The following PAX5 variants were observed in gnomAD, a reference collection of about 807,000 sequenced individuals.
PAX5 encodes the protein paired box protein Pax-5.
In PAX5, 9 loss-of-function variants were observed where a neutral mutation model predicts 43.7. The observed-to-expected ratio is 0.21, with a 90% CI of 0.12 to 0.36. PAX5 has a LOEUF of 0.36. Ranked by LOEUF, PAX5 falls within the 10% of genes least tolerant of loss-of-function variation. The pLI, the probability that PAX5 is intolerant of heterozygous loss-of-function variation, is 1.00. For synonymous variants in PAX5, 228 were observed against 214.3 expected (o/e 1.06, Z -0.56); for missense variants, 383 against 532.7 (o/e 0.72, Z 2.77).
chr9:37,033,233 G>T (rs189734144), intron 1 of PAX5, among the ~76,000 whole-genome samples: 6 of 152,282 alleles, frequency 3.9e-5, no homozygotes, highest in Middle Eastern at 3.4e-3. Flanking sequence ...TTCATTCCTG[G>T]TCCTATCTCC....
At chr9:36,929,573 T>C (rs1158935937) in intron 6 of PAX5, among the ~76,000 whole-genome samples, 3 of 152,208 alleles carry the variant, frequency 2.0e-5, no homozygotes, top group Admixed American at 6.5e-5. Context: ...GGTTCTTTCT[T>C]AGGATGTCAT....
chr9:37,027,134 C>A (rs2132542113), intron 1 of PAX5, among the ~76,000 whole-genome samples: 1 of 152,320 alleles, frequency 6.6e-6, no homozygotes, highest in South Asian at 2.1e-4. Context: ...TCGGACTTGC[C>A]CCCTCCGCCT....
intron 6 of PAX5, among the ~76,000 whole-genome samples, chr9:36,959,343 T>C (rs772208727): frequency 3.0e-4 from 45 of 152,210 alleles, no homozygotes; most frequent in Admixed American, 2.0e-3. Context: ...AGCTCACTAC[T>C]TAACAAGGAG....
chr9:37,027,400 T>A (rs1217223582), intron 1 of PAX5, among the ~76,000 whole-genome samples: 1 of 152,208 alleles, frequency 6.6e-6, no homozygotes, highest in East Asian at 1.9e-4. Context: ...GGTGTCTACC[T>A]CGTGCCAACC....
At chr9:36,869,873 T>TGGATGGATGGATGG (rs35083198) in intron 8 of PAX5, among the ~76,000 whole-genome samples, 1 of 103,076 alleles carries the variant, frequency 9.7e-6, no homozygotes, top group African/African-American at 3.9e-5. Flanking sequence ...GATGGATGGA[T>TGGATGGATGGATGG]AAATGGATGG....
chr9:36,932,628 C>T (rs990200075), intron 6 of PAX5, among the ~76,000 whole-genome samples: 3 of 152,120 alleles, frequency 2.0e-5, no homozygotes, highest in African/African-American at 7.2e-5. Context: ...TGAAACGAGT[C>T]CAAAACCAAA....
intron 8 of PAX5, among the ~76,000 whole-genome samples, chr9:36,876,362 G>A (rs1245454785): frequency 6.6e-6 from 1 of 152,242 alleles, no homozygotes; most frequent in Non-Finnish European, 1.5e-5. Flanking sequence ...AGGCCCACAG[G>A]GACCCCACCT....
chr9:36,940,532 G>A (rs1001312767), intron 6 of PAX5, among the ~76,000 whole-genome samples: 21 of 152,272 alleles, frequency 1.4e-4, no homozygotes, highest in Middle Eastern at 3.4e-3. Flanking sequence ...ACGACCCCCA[G>A]GAGCAGCCCT....
At chr9:36,947,299 G>A (rs1029112522) in intron 6 of PAX5, among the ~76,000 whole-genome samples, 1 of 152,194 alleles carries the variant, frequency 6.6e-6, no homozygotes, top group Non-Finnish European at 1.5e-5. Flanking sequence ...TACCATAAAT[G>A]TCCTGTCAGG....
At chr9:36,867,782 CT>C (rs1825040807) in intron 8 of PAX5, among the ~76,000 whole-genome samples, 1 of 152,174 alleles carries the variant, frequency 6.6e-6, no homozygotes, top group Non-Finnish European at 1.5e-5. Context: ...TTAAGTCTCC[CT>C]GTTTCGGGCC....
intron 1 of PAX5, among the ~76,000 whole-genome samples, chr9:37,029,121 C>A: frequency 6.6e-6 from 1 of 152,200 alleles, no homozygotes; most frequent in East Asian, 1.9e-4. Context: ...TAATATTAAA[C>A]ATAAATCCAC....
chr9:36,930,796 T>A (rs890303061), intron 6 of PAX5: 3 of 1,282,616 alleles, frequency 2.3e-6, no homozygotes, highest in Non-Finnish European at 3.1e-6. Flanking sequence ...CTAAGCAATA[T>A]GAGAGGTTCA....
chr9:36,974,051 A>G (rs1205469546), intron 5 of PAX5, among the ~76,000 whole-genome samples: 2 of 152,064 alleles, frequency 1.3e-5, no homozygotes, highest in Non-Finnish European at 2.9e-5. Context: ...GTGGTGGTGC[A>G]GGCCTGTAGT....
At chr9:36,994,545 C>T (rs574063590) in intron 5 of PAX5, among the ~76,000 whole-genome samples, 1 of 152,348 alleles carries the variant, frequency 6.6e-6, no homozygotes, top group Admixed American at 6.5e-5. Context: ...GGATCTGCCT[C>T]CCATTAGCTT....
At position 36,970,168 on chromosome 9, in the gene PAX5, C is replaced by T. The variant is rs1834817571; in HGVS notation, c.605-3444G>A. ...GACTGATGCTAGGGTGAAAAGAGAG[C>T]ATAAAAATATATCCATGTGACCATG... On this transcript the variant is annotated intron_variant, in intron 5 of 9. Coordinates refer to ENST00000358127, the MANE Select transcript of PAX5 (RefSeq NM_016734.3). Among the ~76,000 whole-genome samples the T allele has an allele frequency of 2.0e-5, 3 of 152,182 alleles. No individual in the cohort carries two copies. In the South Asian group the frequency reaches 6.2e-4, roughly 32 times the overall value.
chr9:37,013,658 AT>A (rs1839155784), intron 3 of PAX5, among the ~76,000 whole-genome samples: 1 of 152,168 alleles, frequency 6.6e-6, no homozygotes, highest in Non-Finnish European at 1.5e-5. Context: ...CCCCTCAGCA[AT>A]TTTGTCCAGG....
intron 4 of PAX5, among the ~76,000 whole-genome samples, chr9:37,005,219 C>A (rs1375839936): frequency 6.6e-6 from 1 of 152,226 alleles, no homozygotes; most frequent in African/African-American, 2.4e-5. Flanking sequence ...CCCACAGCAC[C>A]CATCCCTTCT....
At chr9:36,864,337 C>T (rs764730478) in intron 8 of PAX5, 2 of 154,338 alleles carry the variant, frequency 1.3e-5, no homozygotes, top group Non-Finnish European at 2.9e-5. Context: ...CCACTAGAGC[C>T]TGAGGAGTTC....
chr9:37,004,320 T>G (rs1401233367), intron 4 of PAX5, among the ~76,000 whole-genome samples: 1 of 152,266 alleles, frequency 6.6e-6, no homozygotes, highest in Non-Finnish European at 1.5e-5. Flanking sequence ...GCTGTACAGC[T>G]GAATTGCCAT....
Sources: gnomAD v4.1 joint callset for allele counts (sites outside exome capture counted in the v4.1 genomes callset) on GRCh38, gnomAD v4.1.1 for gene constraint, MANE v1.5 for transcripts, NCBI Gene and HGNC (gene_info 2026-07-23, HGNC 2026-07-21) for gene names.